The following PKD2 variants were observed in gnomAD, a reference collection of about 807,000 sequenced individuals.
PKD2 encodes the protein polycystin-2.
Under a neutral mutation model 105.9 loss-of-function variants are expected in PKD2, and 48 were observed. That is an observed-to-expected ratio of 0.45 (90% CI 0.36 to 0.58). PKD2 has a LOEUF of 0.58. Among genes scored for constraint, PKD2 ranks in the 20% least tolerant of loss-of-function variants. The probability of loss-of-function intolerance (pLI) is 0.00; values close to 1 mark genes in which losing one functional copy is unlikely to be tolerated. For missense variants in PKD2, 1,078 were observed against 1,255.3 expected, an observed-to-expected ratio of 0.86 and a Z score of 2.13; for synonymous variants, 464 against 481.1, an observed-to-expected ratio of 0.96 and a Z score of 0.46.
intron 2 of PKD2, among the ~76,000 whole-genome samples, chr4:88,025,892 T>G (rs1726943505): frequency 6.6e-6 from 1 of 152,200 alleles, no homozygotes; most frequent in Non-Finnish European, 1.5e-5. Flanking sequence ...AAGAAGGTAC[T>G]TCCTTCTCCT....
Position 88,066,167 on chromosome 4 carries a change from T to A in PKD2, c.2358+288T>A, listed in dbSNP as rs188453003. Among the ~76,000 whole-genome samples the A allele has an allele frequency of 0.011, 1,602 of 152,204 alleles. 26 individuals are homozygous for A. Among genetic ancestry groups the A allele is most frequent in the African/African-American group, 0.037 (1,523 of 41,516 alleles). On this transcript the variant is annotated intron_variant, in intron 12 of 14. Transcript: ENST00000237596. ...TTAATGAAGCTTAAAAATGCATTCATAAAAACACATATGCTTATTAAGATT... is the reference window on the plus strand; with the variant it reads ...TTAATGAAGCTTAAAAATGCATTCAAAAAAACACATATGCTTATTAAGATT...
At chr4:88,016,596 C>A (rs188715463) in intron 1 of PKD2, among the ~76,000 whole-genome samples, 11 of 152,158 alleles carry the variant, frequency 7.2e-5, no homozygotes, top group African/African-American at 2.7e-4. Context: ...CATACACACC[C>A]AATGGGAAAA....
chr4:88,028,369 A>G (rs1727030139), intron 2 of PKD2, among the ~76,000 whole-genome samples: 1 of 152,222 alleles, frequency 6.6e-6, no homozygotes, highest in African/African-American at 2.4e-5. Flanking sequence ...TTTCCAGTGA[A>G]AAACGTCTTG....
intron 2 of PKD2, among the ~76,000 whole-genome samples, chr4:88,024,457 G>GAAAAAAAAAAA (rs552942631): frequency 6.4e-3 from 320 of 50,194 alleles, no homozygotes; most frequent in Non-Finnish European, 7.4e-3. Context: ...ACTCTGTCTC[G>GAAAAAAAAAAA]AAAAAAAAAA....
At chr4:88,046,914 G>A (rs377670696) in intron 6 of PKD2, 44 bp downstream of exon 6, 8 of 1,104,950 alleles carry the variant, frequency 7.2e-6, no homozygotes, top group Non-Finnish European at 1.1e-5. Context: ...TATTCTACAA[G>A]CATGTTAACT....
At chr4:88,021,385 A>G (rs1578119452) in intron 2 of PKD2, among the ~76,000 whole-genome samples, 1 of 152,220 alleles carries the variant, frequency 6.6e-6, no homozygotes, top group Non-Finnish European at 1.5e-5. Flanking sequence ...AAATATGCCT[A>G]AAGTCACATA....
intron 6 of PKD2, among the ~76,000 whole-genome samples, chr4:88,048,540 C>A (rs1390747377): frequency 6.6e-6 from 1 of 152,072 alleles, no homozygotes; most frequent in African/African-American, 2.4e-5. Flanking sequence ...TTAGGCATTT[C>A]CGGGTGCTTT....
chr4:88,067,226 T>G (rs373988298), intron 12 of PKD2, among the ~76,000 whole-genome samples: 1 of 152,288 alleles, frequency 6.6e-6, no homozygotes, highest in East Asian at 1.9e-4. Context: ...GGTTTTCAGA[T>G]TAGGGATGCT....
chr4:88,073,082 G>C (rs1279531091), intron 13 of PKD2, among the ~76,000 whole-genome samples: 1 of 150,620 alleles, frequency 6.6e-6, no homozygotes, highest in East Asian at 2.0e-4. Context: ...TGGGCATGGT[G>C]GCTCATGCCT....
intron 5 of PKD2, among the ~76,000 whole-genome samples, chr4:88,044,049 T>A (rs1271497379): frequency 1.3e-5 from 2 of 152,164 alleles, no homozygotes; most frequent in African/African-American, 4.8e-5. Flanking sequence ...CTGGGACTCT[T>A]CTTCATTCAT....
rs568249293 is a variant in PKD2 at position 88,007,972 on chromosome 4, C to A, written c.239C>A (p.Ser80Ter). The A allele has an allele frequency of 6.7e-7, 1 of 1,503,598 alleles. No homozygotes were observed. The highest frequency in any genetic ancestry group is 2.1e-5 in the Admixed American group (1 of 47,878). 93.1% of individuals were successfully genotyped at this position (1,503,598 alleles called of 1,614,324 possible). A position where few individuals can be genotyped will look rare whatever the true frequency, so the allele number is the denominator to read the frequency against. Residue 80 changes from serine (S) to a stop codon, truncating the protein, a stop_gained, in exon 1 of 15, where the codon TCG becomes TAG. Coordinates refer to ENST00000237596, the MANE Select transcript of PKD2 (RefSeq NM_000297.4). LOFTEE classifies it high-confidence loss of function. ...GAAASPSPPL[S>*]SCSRQAWSRD... ...GCGGCCTCCCCTTCTCCTCCGCTCT[C>A]GTCGTGCTCCCGGCAGGCGTGGAGC... is the stretch of plus-strand genomic sequence containing the variant.
chr4:88,031,147 G>A (rs944365098), intron 2 of PKD2, among the ~76,000 whole-genome samples: 1 of 152,160 alleles, frequency 6.6e-6, no homozygotes, highest in Non-Finnish European at 1.5e-5. Context: ...GAGGGTAAGC[G>A]ACCAATACTC....
chr4:88,064,563 T>C lies in PKD2; in HGVS notation c.2119-811T>C, dbSNP rs1720714459. On this transcript the variant is annotated intron_variant, in intron 10 of 14. Coordinates refer to ENST00000237596, the MANE Select transcript of PKD2 (RefSeq NM_000297.4). Reference sequence around the variant, plus strand: ...TGCATGGTCACTTACAGTGCCGCACTATGTGCAAAGCAAGGTCAGGTCTAA... The same window carrying C: ...TGCATGGTCACTTACAGTGCCGCACCATGTGCAAAGCAAGGTCAGGTCTAA... Among the ~76,000 whole-genome samples, 3 of 152,278 alleles carry C rather than the reference T, an allele frequency of 2.0e-5. No homozygotes were observed. The East Asian group carries it at 5.8e-4, about 29-fold the overall frequency.
chr4:88,049,869 T>C (rs2110119354), intron 6 of PKD2, among the ~76,000 whole-genome samples: 1 of 152,108 alleles, frequency 6.6e-6, no homozygotes. Context: ...TCCTGAGCAA[T>C]AGTCTTTCAA....
Position 88,058,010 on chromosome 4 carries a change from C to T in PKD2, c.1926C>T (p.Gly642=), listed in dbSNP as rs186866404. 1.4e-5 allele frequency: 23 copies of T among 1,592,638 alleles called. No homozygotes were observed. Among genetic ancestry groups the T allele is most frequent in the East Asian group, 8.9e-5 (4 of 44,736 alleles). Residue 642 remains glycine (G), a synonymous_variant, in exon 9 of 15, where the codon GGC becomes GGT. Coordinates refer to ENST00000237596, the MANE Select transcript of PKD2 (RefSeq NM_000297.4). The part of the protein sequence containing the change: ...CIFTQFRIIL[G]DINFAEIEEA... ...TCACTCAATTCCGTATCATTTTGGG[C>T]GATATCAACTTTGCAGAGATTGAGG... is the stretch of plus-strand genomic sequence containing the variant.
chr4:88,065,560 A>G, intron 11 of PKD2, 65 bp downstream of exon 11: 1 of 1,544,554 alleles, frequency 6.5e-7, no homozygotes, highest in Non-Finnish European at 9.0e-7. Flanking sequence ...CCTGGTGATA[A>G]GAGTATTTCT....
In PKD2 at chr4:88,043,177, G is replaced by T. The variant is rs1727636228; in HGVS notation, c.1095-56G>T. On this transcript the variant is annotated intron_variant, in intron 4 of 14. Transcript: ENST00000237596. ...CAAGGAACCAGCTGTCCTTGTAATTGCCTCAAGTGTTCCACTGATTGTAAC... is the reference window on the plus strand; with the variant it reads ...CAAGGAACCAGCTGTCCTTGTAATTTCCTCAAGTGTTCCACTGATTGTAAC... The T allele has an allele frequency of 2.7e-6, 3 of 1,092,942 alleles. No individual in the cohort carries two copies. The South Asian group carries it at 3.8e-5, about 14-fold the overall frequency. 67.7% of individuals were successfully genotyped at this position (1,092,942 alleles called of 1,614,324 possible).
Position 88,025,327 on chromosome 4 carries a change from G to A in PKD2, c.709+5756G>A, listed in dbSNP as rs536884708. Among the ~76,000 whole-genome samples, 23 of 151,588 alleles carry A rather than the reference G, an allele frequency of 1.5e-4. 1 individual carries two copies. In the South Asian group the frequency reaches 3.8e-3, roughly 25 times the overall value. On this transcript the variant is annotated intron_variant, in intron 2 of 14. Coordinates refer to ENST00000237596, the MANE Select transcript of PKD2 (RefSeq NM_000297.4). ...TTTAAAATTAGCCAGGCATGGTGAC[G>A]CACACCTGTAGTCCCAATTACTTGG... is the stretch of plus-strand genomic sequence containing the variant.
intron 11 of PKD2, 111 bp downstream of exon 11, chr4:88,065,606 TTTC>T: frequency 4.6e-6 from 6 of 1,292,098 alleles, no homozygotes; most frequent in Non-Finnish European, 6.7e-6. Flanking sequence ...TTTTTTTTTT[TTTC>T]CAGAGGCAGG....
Sources: gnomAD v4.1 joint callset for allele counts (sites outside exome capture counted in the v4.1 genomes callset) on GRCh38, gnomAD v4.1.1 for gene constraint, MANE v1.5 for transcripts, NCBI Gene and HGNC (gene_info 2026-07-23, HGNC 2026-07-21) for gene names.